The following TEX36 variants were observed in gnomAD, a reference collection of about 807,000 sequenced individuals.
The protein encoded by TEX36 is testis-expressed protein 36.
TEX36 carries 12 observed loss-of-function variants against 13.6 expected under a neutral mutation model. The observed-to-expected ratio is 0.88, with a 90% confidence interval of 0.56 to 1.43. TEX36 has a LOEUF of 1.43. Among genes scored for constraint, TEX36 ranks in the 40% most tolerant of loss-of-function variants. TEX36 has a pLI of 0.00. For missense variants in TEX36, 224 were observed against 228.3 expected (o/e 0.98, Z 0.12); for synonymous variants, 93 against 83.0 (o/e 1.12, Z -0.65).
chr10:125,675,164 C>T (rs1389214709), intron 1 of TEX36, among the ~76,000 whole-genome samples: 1 of 152,120 alleles, frequency 6.6e-6, no homozygotes, highest in African/African-American at 2.4e-5. Flanking sequence ...GAGGGATGGA[C>T]CAGAGTCCAG....
intron 3 of TEX36, among the ~76,000 whole-genome samples, chr10:125,625,852 G>A (rs971022783): frequency 6.6e-6 from 1 of 152,190 alleles, no homozygotes; most frequent in African/African-American, 2.4e-5. Flanking sequence ...CGATGCCACC[G>A]CTGCTACAGG....
intron 3 of TEX36, among the ~76,000 whole-genome samples, chr10:125,586,720 T>C (rs973902298): frequency 6.0e-5 from 9 of 150,164 alleles, no homozygotes; most frequent in African/African-American, 2.2e-4. Flanking sequence ...AGGGGGAGGA[T>C]TGCTTGAGTC....
chr10:125,635,885 G>GT (rs1305648581), intron 3 of TEX36, among the ~76,000 whole-genome samples: 1 of 151,702 alleles, frequency 6.6e-6, no homozygotes, highest in Non-Finnish European at 1.5e-5. Context: ...TTCATTTTTT[G>GT]TTTTTTGAGA....
intron 1 of TEX36, chr10:125,666,741 G>A (rs7098549): frequency 0.014 from 2,685 of 193,196 alleles, 76 homozygotes; most frequent in African/African-American, 0.059. Flanking sequence ...ATTCACAGAC[G>A]ACACCACACA....
At chr10:125,609,542 C>G (rs1448800696) in intron 3 of TEX36, among the ~76,000 whole-genome samples, 5 of 152,154 alleles carry the variant, frequency 3.3e-5, no homozygotes, top group African/African-American at 1.2e-4. Context: ...CCTTCTCCTT[C>G]TTTTCTTTTT....
chr10:125,616,262 G>T (rs1328922768), intron 3 of TEX36, among the ~76,000 whole-genome samples: 2 of 151,856 alleles, frequency 1.3e-5, no homozygotes, highest in African/African-American at 4.8e-5. Flanking sequence ...TTTTTGAATG[G>T]TTTTTTTGTG....
intron 1 of TEX36, among the ~76,000 whole-genome samples, chr10:125,678,824 T>C (rs576697779): frequency 6.6e-6 from 1 of 152,056 alleles, no homozygotes; most frequent in South Asian, 2.1e-4. Flanking sequence ...GACGTGAGGC[T>C]CTGTGTTCTG....
intron 3 of TEX36, among the ~76,000 whole-genome samples, chr10:125,609,676 C>T (rs1009286090): frequency 6.6e-6 from 1 of 152,254 alleles, no homozygotes; most frequent in Non-Finnish European, 1.5e-5. Context: ...CAGCCTGGAA[C>T]ATTTGCCCTG....
chr10:125,659,178 CTCCATTAAACTGAAAACT>C lies in TEX36; in HGVS notation c.264+1825_264+1842del, dbSNP rs892442520. On this transcript the variant is annotated intron_variant, in intron 3 of 3. Transcript: ENST00000368821. ...ATTTCATAGGCAAATTCTGTCTAAC[CTCCATTAAACTGAAAACT>C]TCCATTAAACTGAAAATCCAAATGT... is the stretch of plus-strand genomic sequence containing the variant. 1.2e-4 allele frequency among the ~76,000 whole-genome samples: 18 copies of C among 152,228 alleles called. No individual in the cohort carries two copies. In the East Asian group the frequency reaches 1.9e-3, roughly 16 times the overall value.
intron 3 of TEX36, among the ~76,000 whole-genome samples, chr10:125,580,186 A>ATTGGAC (rs1448344325): frequency 2.0e-5 from 3 of 152,190 alleles, no homozygotes. Flanking sequence ...TTTCTTGCAC[A>ATTGGAC]TTGGACTTGT....
chr10:125,634,981 A>G (rs1256358179), intron 3 of TEX36, among the ~76,000 whole-genome samples: 2 of 152,342 alleles, frequency 1.3e-5, no homozygotes, highest in East Asian at 3.9e-4. Context: ...ACATTTCCTC[A>G]GCTGGGGCCA....
intron 1 of TEX36, among the ~76,000 whole-genome samples, chr10:125,681,510 A>G (rs905739585): frequency 2.6e-5 from 4 of 152,210 alleles, no homozygotes; most frequent in Non-Finnish European, 5.9e-5. Context: ...CAGGGAACTC[A>G]GAGTCAAATG....
intron 2 of TEX36, 40 bp from the exon 3 acceptor site, chr10:125,661,141 A>G (rs988078577): frequency 1.1e-5 from 17 of 1,479,434 alleles, no homozygotes; most frequent in Non-Finnish European, 1.5e-5. Context: ...ACACATTAGA[A>G]CCCTGCATGC....
chr10:125,626,936 T>C (rs532025499), intron 3 of TEX36, among the ~76,000 whole-genome samples: 115 of 151,984 alleles, frequency 7.6e-4, no homozygotes, highest in Non-Finnish European at 1.1e-3. Context: ...GCCTGGGAAA[T>C]GGAAGAGAGG....
chr10:125,631,563 T>C, intron 3 of TEX36, among the ~76,000 whole-genome samples: 1 of 152,046 alleles, frequency 6.6e-6, no homozygotes, highest in East Asian at 1.9e-4. Context: ...TTTGGAGGGA[T>C]TTAATAAAAT....
chr10:125,639,168 C>A (rs185222871), intron 3 of TEX36, among the ~76,000 whole-genome samples: 12 of 152,300 alleles, frequency 7.9e-5, no homozygotes, highest in East Asian at 3.9e-4. Context: ...TTAATGTACA[C>A]AAGAAACACA....
chr10:125,646,598 A>G (rs376981193), intron 3 of TEX36, among the ~76,000 whole-genome samples: 5 of 152,348 alleles, frequency 3.3e-5, no homozygotes, highest in Middle Eastern at 3.4e-3. Context: ...AAAAGCAAAC[A>G]ACAGCAACAA....
At chr10:125,632,236 C>T (rs1029526372) in intron 3 of TEX36, among the ~76,000 whole-genome samples, 1 of 152,008 alleles carries the variant, frequency 6.6e-6, no homozygotes, top group Non-Finnish European at 1.5e-5. Flanking sequence ...AGGTGGCACT[C>T]ACATTTGGAC....
At chr10:125,596,609 T>C (rs1433587093) in intron 3 of TEX36, among the ~76,000 whole-genome samples, 1 of 152,246 alleles carries the variant, frequency 6.6e-6, no homozygotes, top group East Asian at 1.9e-4. Context: ...TATTACCTTA[T>C]TGTTGTTTTA....
Sources: gnomAD v4.1 joint callset for allele counts (sites outside exome capture counted in the v4.1 genomes callset) on GRCh38, gnomAD v4.1.1 for gene constraint, MANE v1.5 for transcripts, NCBI Gene and HGNC (gene_info 2026-07-23, HGNC 2026-07-21) for gene names.